OPA1: variants seen among roughly 807,000 people sequenced by gnomAD.
OPA1 encodes dynamin-like GTPase OPA1, mitochondrial.
Under a neutral mutation model 152.9 loss-of-function variants are expected in OPA1, and 59 were observed. The observed-to-expected ratio is 0.39, with a 90% CI of 0.31 to 0.48. OPA1 has a LOEUF of 0.48. OPA1 is among the 20% of genes least tolerant of loss of function. The pLI is 0.96. For synonymous variants in OPA1, 400 were observed against 389.9 expected (o/e 1.03, Z -0.31); for missense variants, 1,008 against 1,216.8 (o/e 0.83, Z 2.55).
intron 16 of OPA1, among the ~76,000 whole-genome samples, chr3:193,644,877 C>T (rs6771174): frequency 0.31 from 46,440 of 151,956 alleles, 7,408 homozygotes; most frequent in African/African-American, 0.37. Flanking sequence ...TTAGGTGTAA[C>T]TTGTCTTAAA....
intron 21 of OPA1, among the ~76,000 whole-genome samples, chr3:193,649,971 T>C (rs932296785): frequency 1.3e-5 from 2 of 152,198 alleles, no homozygotes; most frequent in African/African-American, 4.8e-5. Context: ...GTTGCCTTGC[T>C]AGATTGTATG....
chr3:193,630,123 A>C (rs1354692626), intron 7 of OPA1, among the ~76,000 whole-genome samples: 2 of 152,310 alleles, frequency 1.3e-5, no homozygotes, highest in Non-Finnish European at 2.9e-5. Flanking sequence ...ATTGGCTTTC[A>C]AGATTCTGTT....
At chr3:193,648,939 C>G (rs1711706743) in intron 21 of OPA1, 68 bp downstream of exon 21, 1 of 1,086,254 alleles carries the variant, frequency 9.2e-7, no homozygotes, top group Non-Finnish European at 1.4e-6. Context: ...AATGCTAAAA[C>G]TTAGATTGAT....
chr3:193,640,154 A>G (rs949502994), intron 11 of OPA1, among the ~76,000 whole-genome samples: 2 of 152,208 alleles, frequency 1.3e-5, no homozygotes, highest in Admixed American at 6.5e-5. Flanking sequence ...GTCATGATCA[A>G]CTATCTAAAA....
rs749933104 is a variant in OPA1, at chr3:193,648,067, C to T, written c.1871-3C>T. The T allele has an allele frequency of 5.0e-6, 8 of 1,611,814 alleles. No individual in the cohort carries two copies. The highest frequency in any genetic ancestry group is 2.2e-5 in the South Asian group (2 of 91,038). ...CAAACTTGAACTTTTCCTTCTTCCT[C>T]AGCAACACGTTTTAACCTTGAAACT... On this transcript the variant is annotated splice_region_variant and splice_polypyrimidine_tract_variant and intron_variant, in intron 19 of 30. Transcript: ENST00000361510.
At chr3:193,601,964 T>G (rs1726533994) in intron 1 of OPA1, among the ~76,000 whole-genome samples, 1 of 152,206 alleles carries the variant, frequency 6.6e-6, no homozygotes, top group Non-Finnish European at 1.5e-5. Context: ...ACCCTGGTTT[T>G]GTGCTAGAGC....
intron 1 of OPA1, among the ~76,000 whole-genome samples, chr3:193,612,872 G>A (rs1184943895): frequency 6.6e-6 from 1 of 152,172 alleles, no homozygotes; most frequent in Non-Finnish European, 1.5e-5. Flanking sequence ...TATTGCTTGA[G>A]TAAACTCGGA....
At position 193,662,710 on chromosome 3, in the gene OPA1, A is replaced by T; in HGVS notation, c.2521-112A>T. The T allele has an allele frequency of 3.5e-6, 3 of 857,230 alleles. No individual in the cohort carries two copies. In the South Asian group the frequency reaches 4.9e-5, roughly 14 times the overall value. 53.1% of individuals were successfully genotyped at this position (857,230 alleles called of 1,614,324 possible). On this transcript the variant is annotated intron_variant, in intron 25 of 30. Transcript: ENST00000361510. ...TGTTTCTTTCTTGTTTGTTGTGATT[A>T]AGCTTGTGTTATCTTTTATGCAATA...
intron 1 of OPA1, among the ~76,000 whole-genome samples, chr3:193,611,849 T>TC (rs1181219339): frequency 6.6e-6 from 1 of 151,810 alleles, no homozygotes; most frequent in African/African-American, 2.4e-5. Flanking sequence ...TCTTTTCTTT[T>TC]TTTTTTGCTT....
In OPA1 at chr3:193,679,456, A is replaced by C. The variant is rs998600403; in HGVS notation, c.2983+12176A>C. Reference sequence around the variant, plus strand: ...CAGTTTACAAAACTTCTGCTTGTCCATGTGTGTCTGTAAAGTCATATGAGG... The same window carrying C: ...CAGTTTACAAAACTTCTGCTTGTCCCTGTGTGTCTGTAAAGTCATATGAGG... On this transcript the variant is annotated intron_variant, in intron 29 of 30. Coordinates refer to ENST00000361510, the MANE Select transcript of OPA1 (RefSeq NM_130837.3). Among the ~76,000 whole-genome samples the C allele has an allele frequency of 2.6e-5, 4 of 152,116 alleles. No homozygotes were observed. In the South Asian group the frequency reaches 8.3e-4, roughly 32 times the overall value.
rs1722266458 is a variant in OPA1 at position 193,696,548 on chromosome 3, A to G, written c.*1948A>G. The G allele has an allele frequency of 6.6e-6, 1 of 152,086 alleles. No homozygotes were observed. The highest frequency in any genetic ancestry group is 1.5e-5 in the Non-Finnish European group (1 of 68,014). The allele number at this position is 152,086 out of a possible 1,614,324, so 9.4% of individuals were successfully genotyped here. A position where few individuals can be genotyped will look rare whatever the true frequency, so the allele number is the denominator to read the frequency against. ...CTTTTTAGCTGATCTCATCCTAAGC[A>G]TGCTTTATTTTTCCTTGAAAGCTAG... On this transcript the variant is annotated 3_prime_UTR_variant, in exon 31 of 31. Transcript: ENST00000361510.
At chr3:193,673,981 G>T (rs1035818295) in intron 29 of OPA1, among the ~76,000 whole-genome samples, 1 of 152,268 alleles carries the variant, frequency 6.6e-6, no homozygotes. Context: ...GACTCCCTAC[G>T]CGAGGTGGCA....
chr3:193,694,880 G>A lies in OPA1; in HGVS notation c.*280G>A, dbSNP rs533750901. ...CATTAGGTTCAGTCCTTGAAGATAAGAAACTTGTTCTCTGTTTGTTGTCTT... is the reference window on the plus strand; with the variant it reads ...CATTAGGTTCAGTCCTTGAAGATAAAAAACTTGTTCTCTGTTTGTTGTCTT... On this transcript the variant is annotated 3_prime_UTR_variant, in exon 31 of 31. Transcript: ENST00000361510. The A allele has an allele frequency of 9.8e-5, 15 of 152,322 alleles. No individual in the cohort carries two copies. The highest frequency in any genetic ancestry group is 3.6e-4 in the African/African-American group (15 of 41,588). 9.4% of individuals were successfully genotyped at this position (152,322 alleles called of 1,614,324 possible).
intron 19 of OPA1, among the ~76,000 whole-genome samples, chr3:193,647,434 G>A (rs1734838231): frequency 6.6e-6 from 1 of 152,164 alleles, no homozygotes; most frequent in African/African-American, 2.4e-5. Context: ...GCTAGTGCTT[G>A]GAAGTACACA....
chr3:193,611,558 C>T (rs1247052267), intron 1 of OPA1, among the ~76,000 whole-genome samples: 1 of 142,394 alleles, frequency 7.0e-6, no homozygotes, highest in African/African-American at 2.7e-5. Context: ...GATTGCGCCA[C>T]TACACTCTAG....
intron 29 of OPA1, among the ~76,000 whole-genome samples, chr3:193,687,095 A>G (rs1457413575): frequency 6.6e-6 from 1 of 152,196 alleles, no homozygotes; most frequent in Non-Finnish European, 1.5e-5. Context: ...ATTAGTCTAT[A>G]TTTGAGACTT....
chr3:193,617,152 A>G (rs1407665515), intron 3 of OPA1, 26 bp from the exon 4 acceptor site: 5 of 1,344,500 alleles, frequency 3.7e-6, no homozygotes, highest in East Asian at 2.3e-5. Context: ...TTAGTTTCAT[A>G]CTCTATATGT....
chr3:193,668,298 G>T (rs1429271851), intron 29 of OPA1: 1 of 1,533,852 alleles, frequency 6.5e-7, no homozygotes, highest in Admixed American at 2.0e-5. Context: ...ATGAAGATAT[G>T]TCCTTTTCCA....
intron 16 of OPA1, among the ~76,000 whole-genome samples, chr3:193,644,790 A>G (rs1364585256): frequency 1.3e-5 from 2 of 152,124 alleles, no homozygotes; most frequent in Non-Finnish European, 2.9e-5. Flanking sequence ...CAACTCTAGG[A>G]TAGTGAGTTT....
Sources: gnomAD v4.1 joint callset for allele counts (sites outside exome capture counted in the v4.1 genomes callset) on GRCh38, gnomAD v4.1.1 for gene constraint, MANE v1.5 for transcripts, NCBI Gene and HGNC (gene_info 2026-07-23, HGNC 2026-07-21) for gene names.